Variants in ATP9A observed in about 807,000 individuals in gnomAD.
ATP9A encodes the protein ATPase phospholipid transporting 9A, also known as probable phospholipid-transporting ATPase IIA.
A neutral mutation model predicts 144.1 loss-of-function variants in ATP9A; 52 were observed. The observed-to-expected ratio is 0.36, with a 90% CI of 0.29 to 0.45. The LOEUF (loss-of-function observed/expected upper bound fraction) is 0.45. Ranked by LOEUF, ATP9A falls within the 20% of genes least tolerant of loss-of-function variation. The pLI, the probability that ATP9A is intolerant of heterozygous loss-of-function variation, is 1.00. For synonymous variants in ATP9A, 582 were observed against 557.4 expected, an observed-to-expected ratio of 1.04 and a Z score of -0.62; for missense variants, 947 against 1,392.7, an observed-to-expected ratio of 0.68 and a Z score of 5.09.
At chr20:51,695,514 G>A (rs2077567216) in intron 6 of ATP9A, among the ~76,000 whole-genome samples, 1 of 151,530 alleles carries the variant, frequency 6.6e-6, no homozygotes, top group African/African-American at 2.4e-5. Flanking sequence ...CTCATAGGGT[G>A]GGCAGGCAAT....
rs535947237 is a variant in ATP9A, at chr20:51,756,959, A to G, written c.68+11343T>C. 3.9e-5 allele frequency among the ~76,000 whole-genome samples: 6 copies of G among 152,162 alleles called. No individual in the cohort carries two copies. In the East Asian group the frequency reaches 1.2e-3, roughly 29 times the overall value. The stretch of plus-strand genomic sequence containing the variant: ...CAGGATGAGACACCTTAAAAGGACT[A>G]TGGCCACTCAGTGAGTATCAGCTTC... On this transcript the variant is annotated intron_variant, in intron 1 of 27. Transcript: ENST00000338821.
In ATP9A at chr20:51,741,117, T is replaced by C. The variant is rs2077783530; in HGVS notation, c.69-11139A>G. ...CTGGCCACACTGAGTGCTCCATAGC[T>C]ACATGTGACCACTAACTACGGACTA... On this transcript the variant is annotated intron_variant, in intron 1 of 27. Transcript: ENST00000338821. Among the ~76,000 whole-genome samples, 2 of 148,408 alleles carry C rather than the reference T, an allele frequency of 1.3e-5. 1 individual carries two copies. The highest frequency in any genetic ancestry group is 4.3e-4 in the South Asian group (2 of 4,670).
intron 13 of ATP9A, among the ~76,000 whole-genome samples, chr20:51,659,076 C>T (rs1231986521): frequency 6.6e-6 from 1 of 152,174 alleles, no homozygotes; most frequent in East Asian, 1.9e-4. Context: ...TCTGCACTTG[C>T]TGTGCCCTCT....
chr20:51,664,129 C>A (rs1350533316), intron 13 of ATP9A, among the ~76,000 whole-genome samples: 1 of 152,106 alleles, frequency 6.6e-6, no homozygotes, highest in Admixed American at 6.5e-5. Context: ...AGTCTCCTGC[C>A]TCAGCCTCCA....
At chr20:51,713,154 G>T in intron 3 of ATP9A, 80 bp from the exon 4 acceptor site, 2 of 1,314,504 alleles carry the variant, frequency 1.5e-6, no homozygotes, top group Non-Finnish European at 2.1e-6. Context: ...GGTGCCAGGG[G>T]CAGGAAAGGC....
intron 21 of ATP9A, among the ~76,000 whole-genome samples, chr20:51,618,128 G>A (rs1275753069): frequency 4.0e-5 from 6 of 151,878 alleles, no homozygotes; most frequent in Admixed American, 6.6e-5. Context: ...GCTGAGGCAG[G>A]AGAATCACTT....
At chr20:51,667,802 A>G (rs2077438930) in intron 13 of ATP9A, among the ~76,000 whole-genome samples, 1 of 151,860 alleles carries the variant, frequency 6.6e-6, no homozygotes, top group South Asian at 2.1e-4. Flanking sequence ...CTGTAATCCC[A>G]ACACTTTGGG....
At position 51,741,915 on chromosome 20, in the gene ATP9A, C is replaced by T. The variant is rs74626845; in HGVS notation, c.69-11937G>A. Among the ~76,000 whole-genome samples the T allele has an allele frequency of 3.6e-3, 550 of 152,314 alleles. 11 individuals carry two copies. The East Asian group carries it at 0.06, about 17-fold the overall frequency. ...TACAATGCACAGACAACCTCCACAA[C>T]AGAGAAGTATCCAGCCCAAAACGCC... On this transcript the variant is annotated intron_variant, in intron 1 of 27. Transcript: ENST00000338821.
At chr20:51,710,573 C>A (rs1387632394) in intron 4 of ATP9A, among the ~76,000 whole-genome samples, 1 of 152,134 alleles carries the variant, frequency 6.6e-6, no homozygotes, top group Non-Finnish European at 1.5e-5. Context: ...ACTTTCCAAG[C>A]TGACAGTTTC....
At chr20:51,662,745 G>A (rs1043575873) in intron 13 of ATP9A, among the ~76,000 whole-genome samples, 1 of 151,986 alleles carries the variant, frequency 6.6e-6, no homozygotes, top group South Asian at 2.1e-4. Context: ...TCTTAACCAG[G>A]AAGGCTTCTC....
At chr20:51,762,297 G>A (rs868598065) in intron 1 of ATP9A, among the ~76,000 whole-genome samples, 1 of 152,056 alleles carries the variant, frequency 6.6e-6, no homozygotes, top group Admixed American at 6.5e-5. Context: ...TCAAGAGATC[G>A]AGACCATCTC....
intron 14 of ATP9A, among the ~76,000 whole-genome samples, chr20:51,653,268 A>G (rs1350156765): frequency 6.6e-6 from 1 of 152,144 alleles, no homozygotes; most frequent in Non-Finnish European, 1.5e-5. Context: ...AGAAGAGATA[A>G]AGTACCATTC....
chr20:51,707,903 T>C (rs1294312143), intron 4 of ATP9A, among the ~76,000 whole-genome samples: 1 of 151,808 alleles, frequency 6.6e-6, no homozygotes, highest in African/African-American at 2.4e-5. Context: ...TCTGGCTCTG[T>C]CCCCCAGTCT....
chr20:51,626,819 G>A (rs1289556831), intron 17 of ATP9A, among the ~76,000 whole-genome samples: 2 of 152,226 alleles, frequency 1.3e-5, no homozygotes, highest in East Asian at 1.9e-4. Flanking sequence ...CACTTTGGGA[G>A]GCCAAGGCTG....
intron 8 of ATP9A, among the ~76,000 whole-genome samples, chr20:51,690,213 G>A (rs2077541768): frequency 6.6e-6 from 1 of 151,574 alleles, no homozygotes; most frequent in South Asian, 2.1e-4. Context: ...AAGGTCAGGG[G>A]ATCAAGACCA....
intron 9 of ATP9A, among the ~76,000 whole-genome samples, chr20:51,682,597 T>TTTTTTTTTTA (rs2077504876): frequency 7.8e-6 from 1 of 127,718 alleles, no homozygotes; most frequent in Non-Finnish European, 1.7e-5. Context: ...TTTTTTTTTT[T>TTTTTTTTTTA]TTTTTTTTTT....
chr20:51,623,800 A>G (rs556783070), intron 18 of ATP9A, among the ~76,000 whole-genome samples: 1 of 144,310 alleles, frequency 6.9e-6, no homozygotes, highest in Non-Finnish European at 1.5e-5. Context: ...AAAAAAAAAA[A>G]AAAAGAAAGA....
rs1366224536 is a variant in ATP9A, at chr20:51,629,380, T to C, written c.1669-308A>G. Among the ~76,000 whole-genome samples, 4 of 152,350 alleles carry C rather than the reference T, an allele frequency of 2.6e-5. 1 individual carries two copies. In the South Asian group the frequency reaches 6.2e-4, roughly 24 times the overall value. On this transcript the variant is annotated intron_variant, in intron 15 of 27. Transcript: ENST00000338821. ...GACTCACATGCTATGATTTTAGATTTACACTTGGGACTGCAGATATCATCA... is the reference window on the plus strand; with the variant it reads ...GACTCACATGCTATGATTTTAGATTCACACTTGGGACTGCAGATATCATCA...
chr20:51,690,336 C>T (rs1238518910), intron 8 of ATP9A, among the ~76,000 whole-genome samples: 5 of 151,898 alleles, frequency 3.3e-5, no homozygotes, highest in African/African-American at 7.3e-5. Flanking sequence ...AGGAGAATGG[C>T]GTGAACCCGG....
Sources: gnomAD v4.1 joint callset for allele counts (sites outside exome capture counted in the v4.1 genomes callset) on GRCh38, gnomAD v4.1.1 for gene constraint, MANE v1.5 for transcripts, NCBI Gene and HGNC (gene_info 2026-07-23, HGNC 2026-07-21) for gene names.